CNTN4: variants seen among roughly 807,000 people sequenced by gnomAD.
CNTN4 encodes contactin 4.
CNTN4 carries 77 observed loss-of-function variants against 122.5 expected under a neutral mutation model. That is an observed-to-expected ratio of 0.63 (90% CI 0.52 to 0.76). CNTN4 has a LOEUF of 0.76. Ranked by LOEUF, CNTN4 falls within the 30% of genes least tolerant of loss-of-function variation. The probability of loss-of-function intolerance (pLI) is 0.00; values close to 1 mark genes in which losing one functional copy is unlikely to be tolerated. For missense variants in CNTN4, 1,256 were observed against 1,259.1 expected, an observed-to-expected ratio of 1.00 and a Z score of 0.04; for synonymous variants, 512 against 447.0, an observed-to-expected ratio of 1.15 and a Z score of -1.83.
At chr3:2,644,148 A>C (rs575735617) in intron 4 of CNTN4, among the ~76,000 whole-genome samples, 1 of 152,224 alleles carries the variant, frequency 6.6e-6, no homozygotes, top group African/African-American at 2.4e-5. Context: ...GTTCTTCCTT[A>C]AATAACCAGG....
At chr3:2,366,389 C>T (rs1391860404) in intron 3 of CNTN4, among the ~76,000 whole-genome samples, 2 of 152,064 alleles carry the variant, frequency 1.3e-5, no homozygotes, top group Non-Finnish European at 2.9e-5. Flanking sequence ...AACTTATGCC[C>T]ATTTCATTCA....
At chr3:2,956,977 T>TTTTAAGGCTGA (rs1362829064) in intron 13 of CNTN4, among the ~76,000 whole-genome samples, 1 of 152,216 alleles carries the variant, frequency 6.6e-6, no homozygotes, top group Non-Finnish European at 1.5e-5. Context: ...ATTTCTTTCT[T>TTTTAAGGCTGA]TTTAAGGCTG....
intron 3 of CNTN4, among the ~76,000 whole-genome samples, chr3:2,447,205 C>A (rs34966409): frequency 3.3e-5 from 5 of 151,782 alleles, no homozygotes; most frequent in Non-Finnish European, 7.4e-5. Context: ...GTATCTTTTC[C>A]CAGTACCCCA....
intron 2 of CNTN4, among the ~76,000 whole-genome samples, chr3:2,330,380 C>T (rs1250958066): frequency 6.6e-6 from 1 of 152,030 alleles, no homozygotes; most frequent in Non-Finnish European, 1.5e-5. Context: ...AAACCATTGG[C>T]CAGTGGTGGT....
At chr3:3,009,534 C>G (rs547583290) in intron 14 of CNTN4, among the ~76,000 whole-genome samples, 2 of 151,116 alleles carry the variant, frequency 1.3e-5, no homozygotes, top group Admixed American at 1.3e-4. Context: ...CCCGGGTTCC[C>G]GCCATTCTCC....
intron 3 of CNTN4, among the ~76,000 whole-genome samples, chr3:2,481,491 A>G (rs1283598307): frequency 1.3e-5 from 2 of 152,152 alleles, no homozygotes; most frequent in Non-Finnish European, 2.9e-5. Context: ...ATCAACATGT[A>G]AGACAAAAAC....
At chr3:2,807,438 A>G (rs2092495105) in intron 6 of CNTN4, among the ~76,000 whole-genome samples, 2 of 152,042 alleles carry the variant, frequency 1.3e-5, no homozygotes, top group East Asian at 1.9e-4. Flanking sequence ...CATAAATAAC[A>G]GCTGCTCCTC....
intron 23 of CNTN4, among the ~76,000 whole-genome samples, chr3:3,044,297 C>A (rs1035692315): frequency 6.6e-6 from 1 of 152,152 alleles, no homozygotes; most frequent in African/African-American, 2.4e-5. Context: ...CTATTTGCTA[C>A]CTAACAAACC....
At chr3:2,837,244 C>CA (rs2093247582) in intron 7 of CNTN4, among the ~76,000 whole-genome samples, 5 of 152,140 alleles carry the variant, frequency 3.3e-5, no homozygotes, top group Non-Finnish European at 5.9e-5. Flanking sequence ...AAGATGTTTG[C>CA]ATTATGTGGA....
At chr3:2,522,452 A>C (rs1228731918) in intron 3 of CNTN4, among the ~76,000 whole-genome samples, 2 of 152,110 alleles carry the variant, frequency 1.3e-5, no homozygotes, top group African/African-American at 4.8e-5. Context: ...TAGCTCTCAC[A>C]TGAGAAATCT....
rs919820806 is a variant in CNTN4 at position 2,861,470 on chromosome 3, C to T, written c.455-5282C>T. On this transcript the variant is annotated intron_variant, in intron 7 of 24. Transcript: ENST00000418658. ...GAAATCACTTAAAATACACTTTTCACATCTACTTTCTTAGAATTATATATC... is the reference window on the plus strand; with the variant it reads ...GAAATCACTTAAAATACACTTTTCATATCTACTTTCTTAGAATTATATATC... 5.9e-5 allele frequency among the ~76,000 whole-genome samples: 9 copies of T among 152,204 alleles called. No individual in the cohort carries two copies. The South Asian group carries it at 1.9e-3, about 32-fold the overall frequency.
At chr3:2,883,103 T>C in intron 8 of CNTN4, 42 bp from the exon 9 acceptor site, 1 of 1,404,168 alleles carries the variant, frequency 7.1e-7, no homozygotes, top group Non-Finnish European at 1.0e-6. Flanking sequence ...TTTATACATT[T>C]TAAAAGAATC....
chr3:2,986,909 G>A (rs1032738165), intron 13 of CNTN4, among the ~76,000 whole-genome samples: 1 of 152,202 alleles, frequency 6.6e-6, no homozygotes, highest in East Asian at 1.9e-4. Context: ...ACCATTCCAT[G>A]TGATAAGACA....
chr3:2,294,288 C>CTTTTTTTTTTTTTTTTTTTTT (rs71058604), intron 2 of CNTN4, among the ~76,000 whole-genome samples: 20 of 135,588 alleles, frequency 1.5e-4, no homozygotes, highest in Middle Eastern at 8.0e-3. Context: ...AGAGTTGTGA[C>CTTTTTTTTTTTTTTTTTTTTT]TTTTTTTTTT....
intron 2 of CNTN4, among the ~76,000 whole-genome samples, chr3:2,271,511 C>G (rs1575225980): frequency 6.6e-6 from 1 of 152,012 alleles, no homozygotes; most frequent in Non-Finnish European, 1.5e-5. Context: ...ATAATAGCAC[C>G]TATATCATAG....
chr3:2,932,116 G>T (rs911419358), intron 13 of CNTN4, among the ~76,000 whole-genome samples: 1 of 152,088 alleles, frequency 6.6e-6, no homozygotes, highest in Non-Finnish European at 1.5e-5. Context: ...AGTGGCTCAC[G>T]CCTGTCATCC....
intron 2 of CNTN4, among the ~76,000 whole-genome samples, chr3:2,177,980 A>G (rs2036831737): frequency 1.3e-5 from 2 of 151,934 alleles, no homozygotes; most frequent in Admixed American, 1.3e-4. Flanking sequence ...ATATGTCCTT[A>G]TTCCATATTC....
chr3:2,313,796 A>G (rs2042998888), intron 2 of CNTN4, among the ~76,000 whole-genome samples: 1 of 152,034 alleles, frequency 6.6e-6, no homozygotes, highest in East Asian at 1.9e-4. Flanking sequence ...TTAAGGAGAA[A>G]GCATTTCAGG....
chr3:2,168,150 G>A (rs1033962379), intron 2 of CNTN4, among the ~76,000 whole-genome samples: 2 of 152,086 alleles, frequency 1.3e-5, no homozygotes, highest in Admixed American at 1.3e-4. Context: ...TGGTTGGAAA[G>A]TTATACTCTA....
Sources: allele counts gnomAD v4.1 joint callset (sites outside exome capture counted in the v4.1 genomes callset), GRCh38; gene constraint gnomAD v4.1.1; transcripts MANE v1.5; gene names NCBI Gene and HGNC (gene_info 2026-07-23, HGNC 2026-07-21).